The following UNC5D variants were observed in gnomAD, a reference collection of about 807,000 sequenced individuals.
UNC5D encodes unc-5 netrin receptor D.
A neutral mutation model predicts 105.4 loss-of-function variants in UNC5D; 39 were observed. The ratio of observed to expected loss-of-function variants is 0.37; its 90% CI spans 0.29 to 0.48. The LOEUF is 0.48. UNC5D is among the 20% of genes least tolerant of loss of function. The pLI, the probability that UNC5D is intolerant of heterozygous loss-of-function variation, is 0.98. For missense variants in UNC5D, 991 were observed against 1,202.4 expected, an observed-to-expected ratio of 0.82 and a Z score of 2.60; for synonymous variants, 452 against 450.4, an observed-to-expected ratio of 1.00 and a Z score of -0.04.
chr8:35,717,878 GA>G (rs1563700071), intron 8 of UNC5D, among the ~76,000 whole-genome samples: 1 of 152,142 alleles, frequency 6.6e-6, no homozygotes, highest in African/African-American at 2.4e-5. Context: ...AGATCACCAG[GA>G]AGTCACTTTA....
chr8:35,236,857 T>C (rs1802506451), intron 1 of UNC5D, among the ~76,000 whole-genome samples: 1 of 152,178 alleles, frequency 6.6e-6, no homozygotes. Flanking sequence ...TTTCCTTCTC[T>C]GTGTTCCATC....
intron 2 of UNC5D, among the ~76,000 whole-genome samples, chr8:35,562,093 C>A (rs938975719): frequency 2.0e-5 from 3 of 152,156 alleles, no homozygotes; most frequent in African/African-American, 7.2e-5. Flanking sequence ...TCCACTTTTT[C>A]AGTTCCCACA....
intron 1 of UNC5D, among the ~76,000 whole-genome samples, chr8:35,308,385 T>C (rs1210439719): frequency 6.6e-6 from 1 of 152,086 alleles, no homozygotes; most frequent in Non-Finnish European, 1.5e-5. Flanking sequence ...ATGAACAGGT[T>C]TCATGACCAC....
intron 1 of UNC5D, chr8:35,254,602 T>C (rs1402503663): frequency 6.6e-6 from 1 of 152,248 alleles, no homozygotes; most frequent in Non-Finnish European, 1.5e-5. Context: ...AAGCACAATA[T>C]ACTGATTTGC....
At chr8:35,307,193 G>C (rs1490385421) in intron 1 of UNC5D, among the ~76,000 whole-genome samples, 1 of 152,190 alleles carries the variant, frequency 6.6e-6, no homozygotes. Context: ...GTTCAAAGCT[G>C]TCCTGAACTG....
chr8:35,562,360 C>T (rs917017440), intron 2 of UNC5D, among the ~76,000 whole-genome samples: 3 of 151,950 alleles, frequency 2.0e-5, no homozygotes, highest in Non-Finnish European at 4.4e-5. Flanking sequence ...AGTAGTGGGA[C>T]TGTTGAATCA....
intron 1 of UNC5D, among the ~76,000 whole-genome samples, chr8:35,511,586 T>A (rs1019389597): frequency 6.6e-6 from 1 of 151,666 alleles, no homozygotes; most frequent in Non-Finnish European, 1.5e-5. Flanking sequence ...AGGAGTTAAG[T>A]AAATTGATGA....
chr8:35,551,111 G>C (rs1242282005), intron 2 of UNC5D, among the ~76,000 whole-genome samples: 1 of 152,062 alleles, frequency 6.6e-6, no homozygotes, highest in Non-Finnish European at 1.5e-5. Context: ...CTGGAGCTCT[G>C]CTTTAAAAAA....
intron 1 of UNC5D, among the ~76,000 whole-genome samples, chr8:35,454,090 G>T (rs759234747): frequency 6.6e-6 from 1 of 152,118 alleles, no homozygotes; most frequent in African/African-American, 2.4e-5. Flanking sequence ...GTGATCTAAC[G>T]TGTAATCTAC....
chr8:35,638,448 A>T (rs1050180586), intron 4 of UNC5D, among the ~76,000 whole-genome samples: 14 of 152,138 alleles, frequency 9.2e-5, no homozygotes, highest in African/African-American at 3.4e-4. Flanking sequence ...AATTTTTATT[A>T]TTACTTTTTT....
chr8:35,419,429 C>A (rs776131020), intron 1 of UNC5D, among the ~76,000 whole-genome samples: 1 of 152,190 alleles, frequency 6.6e-6, no homozygotes, highest in Non-Finnish European at 1.5e-5. Context: ...CTGGTCCCAG[C>A]ATGCTGTGAC....
intron 1 of UNC5D, among the ~76,000 whole-genome samples, chr8:35,301,814 T>G (rs188207485): frequency 6.6e-6 from 1 of 152,254 alleles, no homozygotes; most frequent in East Asian, 1.9e-4. Flanking sequence ...AGAGGGAACT[T>G]TTTTTGTTTT....
chr8:35,486,628 T>A (rs1810841327), intron 1 of UNC5D, among the ~76,000 whole-genome samples: 1 of 152,198 alleles, frequency 6.6e-6, no homozygotes, highest in Admixed American at 6.5e-5. Context: ...AGACTGTCTA[T>A]GATTTGTCAC....
intron 15 of UNC5D, among the ~76,000 whole-genome samples, chr8:35,771,156 A>C (rs1168087030): frequency 6.6e-6 from 1 of 152,190 alleles, no homozygotes; most frequent in Non-Finnish European, 1.5e-5. Context: ...TTTTAGACTC[A>C]ATCTCATATA....
At chr8:35,601,212 ATAGTT>A (rs1374863615) in intron 4 of UNC5D, among the ~76,000 whole-genome samples, 5 of 152,122 alleles carry the variant, frequency 3.3e-5, no homozygotes, top group Non-Finnish European at 7.3e-5. Context: ...GCCTTGTAGT[ATAGTT>A]TAAAGTCAGG....
intron 4 of UNC5D, among the ~76,000 whole-genome samples, chr8:35,603,599 G>T (rs1048230372): frequency 3.3e-5 from 5 of 152,064 alleles, no homozygotes; most frequent in South Asian, 2.1e-4. Context: ...GGGTATCCTT[G>T]TTGACTTTCT....
intron 16 of UNC5D, among the ~76,000 whole-genome samples, chr8:35,780,477 GC>G (rs1802453787): frequency 6.6e-6 from 1 of 152,228 alleles, no homozygotes; most frequent in African/African-American, 2.4e-5. Flanking sequence ...ATGGAGGAAG[GC>G]CCCAAGGCAG....
intron 1 of UNC5D, among the ~76,000 whole-genome samples, chr8:35,384,226 A>G (rs1434595375): frequency 2.0e-5 from 3 of 151,838 alleles, no homozygotes; most frequent in Non-Finnish European, 4.4e-5. Context: ...TTCAAAAAAA[A>G]AAAACAAAAA....
chr8:35,432,355 A>G (rs1161665419), intron 1 of UNC5D, among the ~76,000 whole-genome samples: 1 of 152,166 alleles, frequency 6.6e-6, no homozygotes, highest in African/African-American at 2.4e-5. Context: ...ACATAGTTTT[A>G]TAAATCAGAA....
Sources: allele counts gnomAD v4.1 joint callset (sites outside exome capture counted in the v4.1 genomes callset), GRCh38; gene constraint gnomAD v4.1.1; transcripts MANE v1.5; gene names NCBI Gene and HGNC (gene_info 2026-07-23, HGNC 2026-07-21).